The following TIMELESS variants were observed in gnomAD, a reference collection of about 807,000 sequenced individuals.
TIMELESS encodes the protein timeless circadian regulator, also known as protein timeless homolog.
TIMELESS carries 124 observed loss-of-function variants against 164.3 expected under a neutral mutation model. The observed-to-expected ratio is 0.75, with a 90% CI of 0.65 to 0.88. The LOEUF (loss-of-function observed/expected upper bound fraction) is 0.88, where lower values mean the gene tolerates loss of function less well. Ranked by LOEUF, TIMELESS falls within the 40% of genes least tolerant of loss-of-function variation. The pLI is 0.00. For synonymous variants in TIMELESS, 564 were observed against 563.4 expected, an observed-to-expected ratio of 1.00 and a Z score of -0.02; for missense variants, 1,422 against 1,491.4, an observed-to-expected ratio of 0.95 and a Z score of 0.77.
chr12:56,430,127 TTG>T lies in TIMELESS; in HGVS notation c.1062_1063del (p.Tyr354Ter), dbSNP rs1303206963. 1 of 1,613,482 alleles carries T rather than the reference TTG, an allele frequency of 6.2e-7. No homozygotes were observed. The highest frequency in any genetic ancestry group is 8.5e-7 in the Non-Finnish European group (1 of 1,179,852). ...CACCTTTACTGATCCCATGAGCCGGTTGTAACAGTTCTCCAGGAACTCAGAGC... is the reference window on the plus strand; with the variant it reads ...CACCTTTACTGATCCCATGAGCCGGTTAACAGTTCTCCAGGAACTCAGAGC... On this transcript the variant is annotated stop_gained and frameshift_variant, in exon 10 of 29. Transcript: ENST00000553532. LOFTEE classifies it high-confidence loss of function.
chr12:56,417,908 T>C lies in TIMELESS; in HGVS notation c.3555A>G (p.Arg1185=). 1 of 1,614,206 alleles carries C rather than the reference T, an allele frequency of 6.2e-7. No individual in the cohort carries two copies. The highest frequency in any genetic ancestry group is 1.1e-5 in the South Asian group (1 of 91,084). Residue 1185 remains arginine, a splice_region_variant and synonymous_variant, in exon 28 of 29, where the codon AGA becomes AGG. Coordinates refer to ENST00000553532, the MANE Select transcript of TIMELESS (RefSeq NM_003920.5). ...EEQEEDEGRN[R]APELGAPGIQ... The stretch of plus-strand genomic sequence containing the variant: ...AGAAGGTCCCATCAAATTCCCTACC[T>C]CTGTTCCTGCCCTCATCTTCTTCCT...
At chr12:56,422,557 GCA>G (rs1272819629) in intron 19 of TIMELESS, among the ~76,000 whole-genome samples, 1 of 152,136 alleles carries the variant, frequency 6.6e-6, no homozygotes, top group Non-Finnish European at 1.5e-5. Context: ...GGGAGAGGTC[GCA>G]CACAGACTCC....
Position 56,423,338 on chromosome 12 carries a change from A to T in TIMELESS, c.2228T>A (p.Phe743Tyr). Residue 743 changes from phenylalanine (F) to tyrosine (Y), a missense_variant, in exon 18 of 29, where the codon TTT becomes TAT. Phe to Tyr is a conservative substitution (Grantham distance 22). Coordinates refer to ENST00000553532, the MANE Select transcript of TIMELESS (RefSeq NM_003920.5). Reference protein sequence around the residue: ...AHDLKMEALLFQLSVFCLFNR... With the variant: ...AHDLKMEALLYQLSVFCLFNR... ...GAAGAGGCAGAAGACTGACAGCTGA[A>T]AAAGTAGGGCTTCCATTTTGAGGTC... 1.9e-6 allele frequency: 3 copies of T among 1,614,138 alleles called. No individual in the cohort carries two copies. The highest frequency in any genetic ancestry group is 2.5e-6 in the Non-Finnish European group (3 of 1,180,014).
intron 13 of TIMELESS, among the ~76,000 whole-genome samples, chr12:56,427,214 A>G (rs1278678617): frequency 6.6e-6 from 1 of 151,544 alleles, no homozygotes; most frequent in Non-Finnish European, 1.5e-5. Context: ...CCTCTGCCTC[A>G]TGGGTTCAAG....
chr12:56,418,584 T>C (rs1461004099), intron 26 of TIMELESS, among the ~76,000 whole-genome samples: 1 of 151,216 alleles, frequency 6.6e-6, no homozygotes, highest in Non-Finnish European at 1.5e-5. Flanking sequence ...TTTTTTTTTT[T>C]TTTTTTTAAA....
At position 56,422,853 on chromosome 12, in the gene TIMELESS, T is replaced by C; in HGVS notation, c.2432A>G (p.Asp811Gly). The stretch of plus-strand genomic sequence containing the variant: ...TTGCCAACTTCAAGCTCACCTGTCA[T>C]CCAGGGAGCCATAGCCCTCAGTCAT... ...REMTEGYGSL[D>G]DRSSSRRAPT... The change falls in exon 19 of 29, where the codon GAT becomes GGT. Residue 811 changes from aspartate to glycine, a missense_variant. Physicochemically the swap from Asp to Gly is moderately conservative, Grantham distance 94. Coordinates refer to ENST00000553532, the MANE Select transcript of TIMELESS (RefSeq NM_003920.5). 1 of 1,339,912 alleles carries C rather than the reference T, an allele frequency of 7.5e-7. No homozygotes were observed. Among genetic ancestry groups the C allele is most frequent in the Non-Finnish European group, 1.0e-6 (1 of 994,296 alleles). 83.0% of individuals were successfully genotyped at this position (1,339,912 alleles called of 1,614,324 possible).
At position 56,416,686 on chromosome 12, in the gene TIMELESS, G is replaced by A. The variant is rs1214713151; in HGVS notation, c.*1030C>T. The A allele has an allele frequency of 6.6e-6, 1 of 151,778 alleles. No individual in the cohort carries two copies. Among genetic ancestry groups the A allele is most frequent in the East Asian group, 1.9e-4 (1 of 5,180 alleles). The allele number at this position is 151,778 out of a possible 1,614,324, so 9.4% of individuals were successfully genotyped here. A position where few individuals can be genotyped will look rare whatever the true frequency, so the allele number is the denominator to read the frequency against. ...GCAAAAATGCTTTTCTGTGTCTTCT[G>A]TAGGGAAAGCGGAAGAAAAGGGAAG... On this transcript the variant is annotated 3_prime_UTR_variant, in exon 29 of 29. Transcript: ENST00000553532.
intron 13 of TIMELESS, among the ~76,000 whole-genome samples, chr12:56,427,066 C>T (rs532323002): frequency 5.8e-4 from 88 of 152,266 alleles, no homozygotes; most frequent in African/African-American, 2.0e-3. Context: ...CAGTGATCCT[C>T]GTGCTTCAGC....
Position 56,434,158 on chromosome 12 carries a change from T to C in TIMELESS, c.13A>G (p.Met5Val). The change falls in exon 2 of 29, where the codon ATG becomes GTG. Residue 5 changes from methionine to valine, a missense_variant. By Grantham distance (21) the Met-to-Val change is conservative. Coordinates refer to ENST00000553532, the MANE Select transcript of TIMELESS (RefSeq NM_003920.5). Reference sequence around the variant, plus strand: ...GTGGCTAGAAGTTCACAGTTCATCATGTGCAAGTCCATACATCAGTGGACC... The same window carrying C: ...GTGGCTAGAAGTTCACAGTTCATCACGTGCAAGTCCATACATCAGTGGACC... MDLH[M>V]MNCELLATCS... 6.2e-7 allele frequency: 1 copy of C among 1,614,120 alleles called. No individual in the cohort carries two copies.
chr12:56,440,001 C>G (rs1868252417), intron 1 of TIMELESS, among the ~76,000 whole-genome samples: 2 of 152,260 alleles, frequency 1.3e-5, no homozygotes, highest in South Asian at 4.1e-4. Context: ...GTTACTTTTC[C>G]TACTCAACTA....
rs1881881874 is a variant in TIMELESS, at chr12:56,431,530, C to T, written c.762G>A (p.Glu254=). The T allele has an allele frequency of 3.1e-6, 5 of 1,613,892 alleles. No homozygotes were observed. Among genetic ancestry groups the T allele is most frequent in the South Asian group, 2.2e-5 (2 of 91,066 alleles). The change falls in exon 8 of 29, where the codon GAG becomes GAA. Residue 254 remains glutamate, a synonymous_variant. Transcript: ENST00000553532. ...CTGCCATCTCTCGCTGGCGCAACAC[C>T]TCCAGTTCTGCAAAATCTGCACTCC... The part of the protein sequence containing the change: ...QERSADFAEL[E]VLRQREMAEK...
chr12:56,429,291 T>G (rs1435582886), intron 10 of TIMELESS, among the ~76,000 whole-genome samples, 191 bp from the exon 11 acceptor site: 2 of 150,984 alleles, frequency 1.3e-5, no homozygotes, highest in African/African-American at 4.9e-5. Context: ...TTCCACCTCC[T>G]GGGTTCAAGC....
rs1592253952 is a variant in TIMELESS, at chr12:56,435,951, T to G, written c.-61-1720A>C. Among the ~76,000 whole-genome samples the G allele has an allele frequency of 8.2e-5, 10 of 121,812 alleles. No individual in the cohort carries two copies. In the South Asian group the frequency reaches 2.6e-3, roughly 32 times the overall value. The allele number at this position is 121,812 out of a possible 152,430, so 79.9% of individuals were successfully genotyped here. A position where few individuals can be genotyped will look rare whatever the true frequency, so the allele number is the denominator to read the frequency against. ...TCCAGCCTGGGCGACAGAGCGAGAC[T>G]CCGTCTTAAAAAAAAAAAAAAAAAA... On this transcript the variant is annotated intron_variant, in intron 1 of 28. Coordinates refer to ENST00000553532, the MANE Select transcript of TIMELESS (RefSeq NM_003920.5).
chr12:56,420,536 C>T (rs186166368), intron 26 of TIMELESS, 33 bp downstream of exon 26: 107 of 1,577,122 alleles, frequency 6.8e-5, no homozygotes, highest in South Asian at 1.6e-4. Flanking sequence ...AGGACTAACA[C>T]GCCTTGGTTG....
At chr12:56,435,775 C>T (rs1251132806) in intron 1 of TIMELESS, among the ~76,000 whole-genome samples, 2 of 151,986 alleles carry the variant, frequency 1.3e-5, no homozygotes, top group African/African-American at 2.4e-5. Context: ...CTGGCTAACA[C>T]GGTGAAACCC....
chr12:56,418,998 A>T (rs1592242259), intron 26 of TIMELESS, among the ~76,000 whole-genome samples: 1 of 139,288 alleles, frequency 7.2e-6, no homozygotes, highest in South Asian at 2.3e-4. Flanking sequence ...GTATCACAGG[A>T]TTTTTTTTTT....
Position 56,417,622 on chromosome 12 carries a change from G to A in TIMELESS, c.*94C>T. Reference sequence around the variant, plus strand: ...GGGATTCTACTGCTCTGTCCAGTAAGAGGAGCTTCTGGGTCCTGTATGACC... The same window carrying A: ...GGGATTCTACTGCTCTGTCCAGTAAAAGGAGCTTCTGGGTCCTGTATGACC... On this transcript the variant is annotated 3_prime_UTR_variant, in exon 29 of 29. Coordinates refer to ENST00000553532, the MANE Select transcript of TIMELESS (RefSeq NM_003920.5). 5 of 1,236,312 alleles carry A rather than the reference G, an allele frequency of 4.0e-6. No individual in the cohort carries two copies. Among genetic ancestry groups the A allele is most frequent in the Non-Finnish European group, 5.9e-6 (5 of 841,656 alleles). 76.6% of individuals were successfully genotyped at this position (1,236,312 alleles called of 1,614,324 possible).
intron 1 of TIMELESS, among the ~76,000 whole-genome samples, chr12:56,438,138 C>T (rs1281082232): frequency 2.0e-5 from 3 of 152,102 alleles, no homozygotes; most frequent in Non-Finnish European, 4.4e-5. Context: ...GCCTCCCTCC[C>T]GGGTTCAAGC....
intron 1 of TIMELESS, among the ~76,000 whole-genome samples, chr12:56,447,021 T>G (rs139475928): frequency 6.6e-6 from 1 of 151,414 alleles, no homozygotes. Flanking sequence ...TTATTTTTTT[T>G]TTTTTTGGAG....
Sources: allele counts gnomAD v4.1 joint callset (sites outside exome capture counted in the v4.1 genomes callset), GRCh38; gene constraint gnomAD v4.1.1; transcripts MANE v1.5; gene names NCBI Gene and HGNC (gene_info 2026-07-23, HGNC 2026-07-21).